CAMKMT: variants seen among roughly 807,000 people sequenced by gnomAD.
CAMKMT encodes calmodulin-lysine N-methyltransferase, also known as CaM KMT.
CAMKMT carries 53 observed loss-of-function variants against 48.0 expected under a neutral mutation model. The observed-to-expected ratio is 1.10, with a 90% CI of 0.89 to 1.39. The LOEUF is 1.39. Among genes scored for constraint, CAMKMT ranks in the 40% most tolerant of loss-of-function variants. The probability of loss-of-function intolerance (pLI) is 0.00; values close to 1 mark genes in which losing one functional copy is unlikely to be tolerated. For synonymous variants in CAMKMT, 165 were observed against 152.3 expected (o/e 1.08, Z -0.61); for missense variants, 428 against 402.7 (o/e 1.06, Z -0.54).
At chr2:44,648,373 ATTAT>A (rs1389460599) in intron 3 of CAMKMT, among the ~76,000 whole-genome samples, 3 of 152,162 alleles carry the variant, frequency 2.0e-5, no homozygotes, top group South Asian at 2.1e-4. Flanking sequence ...TAAATGCATG[ATTAT>A]TTATTAAATT....
At chr2:44,722,850 T>C (rs1385426640) in intron 7 of CAMKMT, among the ~76,000 whole-genome samples, 1 of 152,196 alleles carries the variant, frequency 6.6e-6, no homozygotes, top group Non-Finnish European at 1.5e-5. Flanking sequence ...ACGGAAAATA[T>C]AATTAGTAAA....
At chr2:44,527,996 T>C (rs1666255409) in intron 3 of CAMKMT, among the ~76,000 whole-genome samples, 1 of 152,178 alleles carries the variant, frequency 6.6e-6, no homozygotes, top group African/African-American at 2.4e-5. Flanking sequence ...AAATCTTCTG[T>C]GCTTCACCTA....
At chr2:44,549,753 A>G in intron 3 of CAMKMT, 2 of 477,334 alleles carry the variant, frequency 4.2e-6, no homozygotes, top group Admixed American at 3.7e-5. Flanking sequence ...GTCCTACATG[A>G]TGTCTGTAAA....
intron 3 of CAMKMT, among the ~76,000 whole-genome samples, chr2:44,497,193 A>G (rs1261713162): frequency 1.3e-5 from 2 of 152,232 alleles, no homozygotes; most frequent in Admixed American, 6.5e-5. Context: ...TTTTACCTCA[A>G]TTAATATTGG....
At chr2:44,515,557 C>T (rs1005843407) in intron 3 of CAMKMT, among the ~76,000 whole-genome samples, 9 of 152,138 alleles carry the variant, frequency 5.9e-5, no homozygotes, top group African/African-American at 1.7e-4. Context: ...TACTCTGTTA[C>T]ATGAATCAAA....
At chr2:44,734,317 A>G (rs1026882715) in intron 7 of CAMKMT, among the ~76,000 whole-genome samples, 1 of 152,128 alleles carries the variant, frequency 6.6e-6, no homozygotes, top group African/African-American at 2.4e-5. Context: ...ACCCCAGGTT[A>G]TTTAGAAGTA....
chr2:44,469,575 A>G (rs1668310192), intron 3 of CAMKMT, among the ~76,000 whole-genome samples: 1 of 151,780 alleles, frequency 6.6e-6, no homozygotes, highest in East Asian at 1.9e-4. Flanking sequence ...GTTTCTTTAT[A>G]TGTTACTTTA....
intron 3 of CAMKMT, among the ~76,000 whole-genome samples, chr2:44,466,413 C>T (rs1668114917): frequency 6.6e-6 from 1 of 152,126 alleles, no homozygotes; most frequent in South Asian, 2.1e-4. Flanking sequence ...TTAATCAACA[C>T]ACTCTTGAAC....
Position 44,474,813 on chromosome 2 carries a change from C to T in CAMKMT, c.376+84508C>T, listed in dbSNP as rs1256991936. 2.0e-5 allele frequency among the ~76,000 whole-genome samples: 3 copies of T among 152,172 alleles called. No homozygotes were observed. The East Asian group carries it at 5.8e-4, about 29-fold the overall frequency. On this transcript the variant is annotated intron_variant, in intron 3 of 10. Coordinates refer to ENST00000378494, the MANE Select transcript of CAMKMT (RefSeq NM_024766.5). ...AGCACTGTAAATACATGGAAACCCT[C>T]TATGCTGCAATTCTCTATTTCCGTT...
At chr2:44,762,872 T>C (rs866202676) in intron 9 of CAMKMT, among the ~76,000 whole-genome samples, 14 of 152,234 alleles carry the variant, frequency 9.2e-5, no homozygotes, top group African/African-American at 1.4e-4. Flanking sequence ...TTACATTCAA[T>C]TGAGTATTCA....
At chr2:44,729,617 T>A (rs749546961) in intron 7 of CAMKMT, among the ~76,000 whole-genome samples, 5 of 152,116 alleles carry the variant, frequency 3.3e-5, no homozygotes, top group Admixed American at 2.6e-4. Context: ...AATGGGAGTG[T>A]CCACTCCCAT....
At chr2:44,535,023 G>C (rs1666692045) in intron 3 of CAMKMT, among the ~76,000 whole-genome samples, 1 of 151,870 alleles carries the variant, frequency 6.6e-6, no homozygotes, top group Admixed American at 6.6e-5. Flanking sequence ...GGGAGAGAGA[G>C]AGAGAGAGAG....
chr2:44,705,369 T>C, intron 4 of CAMKMT: 2 of 985,414 alleles, frequency 2.0e-6, no homozygotes, highest in Non-Finnish European at 2.4e-6. Flanking sequence ...AGTCTAAGCA[T>C]ATAAATAAGA....
At chr2:44,709,486 G>T (rs1677755719) in intron 6 of CAMKMT, among the ~76,000 whole-genome samples, 1 of 152,030 alleles carries the variant, frequency 6.6e-6, no homozygotes, top group Non-Finnish European at 1.5e-5. Flanking sequence ...AAGAGAAAAA[G>T]CATGCATAAA....
intron 3 of CAMKMT, among the ~76,000 whole-genome samples, chr2:44,430,916 A>T (rs193127925): frequency 6.6e-6 from 1 of 152,238 alleles, no homozygotes. Flanking sequence ...CAAAAGTACT[A>T]TAAGAGCTAT....
intron 3 of CAMKMT, among the ~76,000 whole-genome samples, chr2:44,464,015 T>C (rs1370896249): frequency 1.3e-5 from 2 of 152,176 alleles, no homozygotes; most frequent in East Asian, 3.9e-4. Flanking sequence ...ATCTATTAGT[T>C]ACCTGAAAAA....
chr2:44,738,086 C>T (rs907499319), intron 7 of CAMKMT, among the ~76,000 whole-genome samples: 3 of 152,046 alleles, frequency 2.0e-5, no homozygotes, highest in African/African-American at 7.2e-5. Flanking sequence ...AAACTCCTGA[C>T]CTCATGATCC....
rs199836049 is a variant in CAMKMT, at chr2:44,772,464, A to ATTT, written c.*365_*367dup. ...TTTTGATGATACCCATCCCTCCTTC[A>ATTT]TTTTTTTTTTTTTTTTGGTCTTTGT... On this transcript the variant is annotated 3_prime_UTR_variant, in exon 11 of 11. Coordinates refer to ENST00000378494, the MANE Select transcript of CAMKMT (RefSeq NM_024766.5). 3.3e-5 allele frequency: 4 copies of ATTT among 123,006 alleles called. No individual in the cohort carries two copies. Among genetic ancestry groups the ATTT allele is most frequent in the Admixed American group, 8.6e-5 (1 of 11,606 alleles). The allele number at this position is 123,006 out of a possible 1,614,324, so 7.6% of individuals were successfully genotyped here.
At chr2:44,407,022 C>T (rs1229002955) in intron 3 of CAMKMT, among the ~76,000 whole-genome samples, 1 of 152,136 alleles carries the variant, frequency 6.6e-6, no homozygotes, top group Non-Finnish European at 1.5e-5. Context: ...ACAGCAGGGA[C>T]TAAGGTAATA....
Sources: gnomAD v4.1 joint callset for allele counts (sites outside exome capture counted in the v4.1 genomes callset) on GRCh38, gnomAD v4.1.1 for gene constraint, MANE v1.5 for transcripts, NCBI Gene and HGNC (gene_info 2026-07-23, HGNC 2026-07-21) for gene names.